TRIM36: variants seen among roughly 807,000 people sequenced by gnomAD.
The protein encoded by TRIM36 is tripartite motif containing 36.
A neutral mutation model predicts 72.4 loss-of-function variants in TRIM36; 42 were observed. That is an observed-to-expected ratio of 0.58 (90% CI 0.45 to 0.75). The LOEUF is 0.75. TRIM36 is among the 30% of genes least tolerant of loss of function. The pLI, the probability that TRIM36 is intolerant of heterozygous loss-of-function variation, is 0.00. For synonymous variants in TRIM36, 315 were observed against 282.8 expected (o/e 1.11, Z -1.14); for missense variants, 913 against 857.1 (o/e 1.07, Z -0.81).
At chr5:115,158,654 A>T (rs531633468) in intron 2 of TRIM36, among the ~76,000 whole-genome samples, 2 of 152,278 alleles carry the variant, frequency 1.3e-5, no homozygotes, top group Admixed American at 1.3e-4. Flanking sequence ...GTACATTCTG[A>T]CTATTTGATG....
Position 115,130,838 on chromosome 5 carries a change from A to C in TRIM36, c.1550T>G (p.Leu517Arg). Residue 517 changes from leucine (L) to arginine (R), a missense_variant, in exon 9 of 10, where the codon CTG becomes CGG. Coordinates refer to ENST00000513154, the MANE Select transcript of TRIM36 (RefSeq NM_001300759.2). ...EKCGYNNEHL[L>R]LNLKRDRVES... ...TACACGGTCTCTCTTCAAGTTCAGCAGGAGGTGTTCATTATTATAGCCACA... is the reference window on the plus strand; with the variant it reads ...TACACGGTCTCTCTTCAAGTTCAGCCGGAGGTGTTCATTATTATAGCCACA... The C allele has an allele frequency of 6.2e-7, 1 of 1,613,994 alleles. No individual in the cohort carries two copies. Among genetic ancestry groups the C allele is most frequent in the Non-Finnish European group, 8.5e-7 (1 of 1,179,954 alleles).
At chr5:115,162,555 G>T (rs574701221) in intron 2 of TRIM36, among the ~76,000 whole-genome samples, 1 of 152,162 alleles carries the variant, frequency 6.6e-6, no homozygotes, top group Non-Finnish European at 1.5e-5. Context: ...AGAATTTTGT[G>T]AAATATGTAT....
At chr5:115,163,852 G>T (rs1754621435) in intron 1 of TRIM36, 100 bp from the exon 2 acceptor site, 3 of 979,412 alleles carry the variant, frequency 3.1e-6, no homozygotes, top group Non-Finnish European at 4.5e-6. Flanking sequence ...TTTCCAAAAA[G>T]AATTAAGAAA....
rs777213271 is a variant in TRIM36 at position 115,124,996 on chromosome 5, A to C, written c.*1507T>G. On this transcript the variant is annotated 3_prime_UTR_variant, in exon 10 of 10. Coordinates refer to ENST00000513154, the MANE Select transcript of TRIM36 (RefSeq NM_001300759.2). ...TTGCTTAGTTTAGCCTACATCATAA[A>C]GTGCTATTCATAGATGGGAAATTAA... 4.6e-5 allele frequency: 7 copies of C among 152,486 alleles called. No individual in the cohort carries two copies. Among genetic ancestry groups the C allele is most frequent in the Non-Finnish European group, 8.8e-5 (6 of 67,932 alleles). 9.4% of individuals were successfully genotyped at this position (152,486 alleles called of 1,614,324 possible).
At chr5:115,165,464 T>C (rs918449539) in intron 1 of TRIM36, among the ~76,000 whole-genome samples, 2 of 152,198 alleles carry the variant, frequency 1.3e-5, no homozygotes, top group African/African-American at 4.8e-5. Context: ...CCCAACACCA[T>C]GTGTAAGCCA....
chr5:115,135,082 A>C (rs1418814983), intron 7 of TRIM36, among the ~76,000 whole-genome samples: 1 of 152,188 alleles, frequency 6.6e-6, no homozygotes, highest in Non-Finnish European at 1.5e-5. Flanking sequence ...TTAACTGTTT[A>C]GTTTTGGAAA....
intron 2 of TRIM36, among the ~76,000 whole-genome samples, chr5:115,151,167 A>G (rs947463981): frequency 9.9e-5 from 15 of 152,082 alleles, no homozygotes; most frequent in African/African-American, 3.6e-4. Context: ...CTGCCTGGAA[A>G]CAAACTTGGT....
At chr5:115,131,226 TA>T (rs1752658300) in intron 8 of TRIM36, among the ~76,000 whole-genome samples, 1 of 152,176 alleles carries the variant, frequency 6.6e-6, no homozygotes, top group East Asian at 1.9e-4. Flanking sequence ...TTATTAAAGA[TA>T]AAAAATAATA....
At chr5:115,167,636 C>G (rs145527602) in intron 1 of TRIM36, among the ~76,000 whole-genome samples, 1 of 152,338 alleles carries the variant, frequency 6.6e-6, no homozygotes, top group East Asian at 1.9e-4. Context: ...TTTGTCCATA[C>G]CACTAGCAGA....
intron 5 of TRIM36, 103 bp from the exon 6 acceptor site, chr5:115,137,719 A>T: frequency 4.7e-6 from 6 of 1,280,964 alleles, no homozygotes; most frequent in Non-Finnish European, 6.3e-6. Flanking sequence ...ATTACATTTC[A>T]TCTATGTGAT....
intron 4 of TRIM36, 131 bp downstream of exon 4, chr5:115,144,467 G>A (rs1028025476): frequency 2.3e-5 from 26 of 1,111,010 alleles, no homozygotes; most frequent in East Asian, 7.9e-5. Flanking sequence ...TTAGTAGATC[G>A]CTAAGTAACA....
intron 9 of TRIM36, among the ~76,000 whole-genome samples, chr5:115,129,473 G>A (rs367699707): frequency 3.3e-5 from 5 of 152,110 alleles, no homozygotes; most frequent in South Asian, 4.1e-4. Context: ...CAGAAGAATC[G>A]CTTGAACCCG....
chr5:115,175,611 A>T (rs1755294121), intron 1 of TRIM36, among the ~76,000 whole-genome samples: 1 of 152,156 alleles, frequency 6.6e-6, no homozygotes, highest in South Asian at 2.1e-4. Context: ...TAAAAATCTG[A>T]TTTAAACATC....
chr5:115,152,771 C>T (rs7704583), intron 2 of TRIM36, among the ~76,000 whole-genome samples: 70,670 of 151,808 alleles, frequency 0.47, 17,330 homozygotes, highest in East Asian at 0.68. Flanking sequence ...CTAAGCTTCA[C>T]TTGTGAAGGA....
At chr5:115,147,603 G>C (rs567651814) in intron 2 of TRIM36, among the ~76,000 whole-genome samples, 2 of 152,122 alleles carry the variant, frequency 1.3e-5, no homozygotes, top group East Asian at 1.9e-4. Flanking sequence ...AAATCAAACA[G>C]CAAATCAAAA....
chr5:115,137,450 T>A lies in TRIM36; in HGVS notation c.998A>T (p.Asn333Ile), dbSNP rs1172532200. 6.2e-7 allele frequency: 1 copy of A among 1,614,190 alleles called. No individual in the cohort carries two copies. The highest frequency in any genetic ancestry group is 1.7e-5 in the Admixed American group (1 of 60,026). Residue 333 changes from asparagine to isoleucine, a missense_variant, in exon 6 of 10, where the codon AAC becomes ATC. Coordinates refer to ENST00000513154, the MANE Select transcript of TRIM36 (RefSeq NM_001300759.2). ...TTGAGCATATCCCACAAGTCCATTGTTCTCTAGAAGTCCCTGGTACTCTTC... is the reference window on the plus strand; with the variant it reads ...TTGAGCATATCCCACAAGTCCATTGATCTCTAGAAGTCCCTGGTACTCTTC... ...QMEEYQGLLE[N>I]NGLVGYAQEV...
intron 2 of TRIM36, among the ~76,000 whole-genome samples, chr5:115,155,223 C>T (rs1754110020): frequency 6.6e-6 from 1 of 151,618 alleles, no homozygotes; most frequent in African/African-American, 2.4e-5. Flanking sequence ...TGGCGTGAAC[C>T]TGTAATCTCA....
rs529297107 is a variant in TRIM36, at chr5:115,126,916, A to G, written c.1797-59T>C. ...CAATAGATCTAAGTATCTTCAAAACATTTTCACAGGATAATATACATTGAT... is the reference window on the plus strand; with the variant it reads ...CAATAGATCTAAGTATCTTCAAAACGTTTTCACAGGATAATATACATTGAT... On this transcript the variant is annotated intron_variant, in intron 9 of 9. Transcript: ENST00000513154. 1.0e-4 allele frequency: 154 copies of G among 1,481,988 alleles called. 1 individual carries two copies. In the South Asian group the frequency reaches 1.9e-3, roughly 18 times the overall value. The allele number at this position is 1,481,988 out of a possible 1,614,324, so 91.8% of individuals were successfully genotyped here.
chr5:115,143,820 G>A (rs868417072), intron 4 of TRIM36, among the ~76,000 whole-genome samples: 1 of 152,132 alleles, frequency 6.6e-6, no homozygotes, highest in African/African-American at 2.4e-5. Context: ...TATGAAATTT[G>A]AAAGTTTTAA....
Sources: allele counts gnomAD v4.1 joint callset (sites outside exome capture counted in the v4.1 genomes callset), GRCh38; gene constraint gnomAD v4.1.1; transcripts MANE v1.5; gene names NCBI Gene and HGNC (gene_info 2026-07-23, HGNC 2026-07-21).